Variants in NT5C3A observed in about 807,000 individuals in gnomAD.
NT5C3A encodes 5'-nucleotidase, cytosolic IIIA.
A neutral mutation model predicts 40.0 loss-of-function variants in NT5C3A; 23 were observed. The observed-to-expected ratio is 0.58, with a 90% confidence interval of 0.41 to 0.81. NT5C3A has a LOEUF of 0.81. Ranked by LOEUF, NT5C3A falls within the 40% of genes least tolerant of loss-of-function variation. NT5C3A has a pLI of 0.00. For synonymous variants in NT5C3A, 130 were observed against 141.4 expected (o/e 0.92, Z 0.57); for missense variants, 328 against 403.0 (o/e 0.81, Z 1.59).
chr7:33,042,841 T>G (rs1394416843), intron 1 of NT5C3A, among the ~76,000 whole-genome samples: 1 of 152,210 alleles, frequency 6.6e-6, no homozygotes, highest in Non-Finnish European at 1.5e-5. Flanking sequence ...GTTTTATAAT[T>G]CTGGGAAACT....
intron 1 of NT5C3A, among the ~76,000 whole-genome samples, chr7:33,059,875 C>A (rs1393753456): frequency 6.6e-6 from 1 of 152,176 alleles, no homozygotes; most frequent in Non-Finnish European, 1.5e-5. Flanking sequence ...ATACTACCAA[C>A]CTCCTAAATT....
At chr7:33,016,267 G>A (rs1159862891) in intron 7 of NT5C3A, among the ~76,000 whole-genome samples, 6 of 151,774 alleles carry the variant, frequency 4.0e-5, no homozygotes, top group Admixed American at 6.6e-5. Flanking sequence ...CCAGATACTC[G>A]GGAGGCTGAG....
chr7:33,018,962 C>G (rs1332123441), intron 6 of NT5C3A, among the ~76,000 whole-genome samples: 1 of 152,012 alleles, frequency 6.6e-6, no homozygotes, highest in Non-Finnish European at 1.5e-5. Flanking sequence ...AAAAAGTAGG[C>G]TTATGTAAAT....
chr7:33,028,214 T>C (rs1786053604), intron 1 of NT5C3A, among the ~76,000 whole-genome samples: 2 of 152,270 alleles, frequency 1.3e-5, no homozygotes, highest in East Asian at 1.9e-4. Context: ...AAGCTGACGA[T>C]CACTGGAGCC....
At chr7:33,018,727 G>T (rs908670630) in intron 6 of NT5C3A, among the ~76,000 whole-genome samples, 141 of 152,072 alleles carry the variant, frequency 9.3e-4, no homozygotes, top group African/African-American at 3.3e-3. Context: ...GCGGGCGCCT[G>T]AAGTCCTGGC....
At chr7:33,032,842 C>T (rs1410531974) in intron 1 of NT5C3A, among the ~76,000 whole-genome samples, 2 of 152,200 alleles carry the variant, frequency 1.3e-5, no homozygotes, top group Non-Finnish European at 2.9e-5. Context: ...CAGACTTGAC[C>T]TCCTGGGCTC....
intron 3 of NT5C3A, chr7:33,023,727 A>C (rs1303182962): frequency 7.4e-6 from 2 of 271,094 alleles, no homozygotes; most frequent in Non-Finnish European, 1.4e-5. Context: ...TATTTGATAA[A>C]TGGTGTTTCT....
At position 33,024,216 on chromosome 7, in the gene NT5C3A, T is replaced by G. The variant is rs537142515; in HGVS notation, c.238-108A>C. 4.2e-6 allele frequency: 3 copies of G among 712,520 alleles called. No individual in the cohort carries two copies. The South Asian group carries it at 4.4e-5, about 11-fold the overall frequency. The allele number at this position is 712,520 out of a possible 1,614,324, so 44.1% of individuals were successfully genotyped here. ...ATGCTTTCCTAGATGCATAGGACTG[T>G]GCTCAAGTCTCTGGTCCACACTGTT... On this transcript the variant is annotated intron_variant, in intron 2 of 8. Transcript: ENST00000610140.
At chr7:33,053,929 G>A (rs1230367578) in intron 1 of NT5C3A, among the ~76,000 whole-genome samples, 2 of 152,006 alleles carry the variant, frequency 1.3e-5, no homozygotes, top group African/African-American at 4.8e-5. Flanking sequence ...GTTAACTTGT[G>A]GCATATGGAT....
At chr7:33,020,682 C>A (rs898521771) in intron 5 of NT5C3A, among the ~76,000 whole-genome samples, 5 of 152,110 alleles carry the variant, frequency 3.3e-5, no homozygotes, top group African/African-American at 1.2e-4. Context: ...AAAGCATTTT[C>A]TATTCCTTGA....
chr7:33,060,579 A>G (rs1787739291), intron 1 of NT5C3A, among the ~76,000 whole-genome samples: 1 of 152,092 alleles, frequency 6.6e-6, no homozygotes, highest in Non-Finnish European at 1.5e-5. Flanking sequence ...CTTGCAAGAC[A>G]ATGCATCATT....
At chr7:33,026,741 G>A in intron 2 of NT5C3A, 76 bp downstream of exon 2, 1 of 962,606 alleles carries the variant, frequency 1.0e-6, no homozygotes, top group Non-Finnish European at 1.7e-6. Flanking sequence ...TGATCCTCCT[G>A]CTTCAGTCTC....
At chr7:33,043,774 G>A (rs1787025827) in intron 1 of NT5C3A, among the ~76,000 whole-genome samples, 1 of 152,136 alleles carries the variant, frequency 6.6e-6, no homozygotes, top group Non-Finnish European at 1.5e-5. Context: ...TGTGGTAGGA[G>A]TGGGGTGGGA....
chr7:33,014,911 T>C (rs1785242456), intron 8 of NT5C3A, 80 bp from the exon 9 acceptor site: 3 of 1,183,628 alleles, frequency 2.5e-6, no homozygotes, highest in Non-Finnish European at 3.7e-6. Flanking sequence ...CGTTGTTAGA[T>C]CTCTTGGGCA....
chr7:33,062,764 G>T lies in NT5C3A; in HGVS notation c.-59C>A. On this transcript the variant is annotated 5_prime_UTR_variant, in exon 1 of 9. Transcript: ENST00000610140. ...AAAACAGGCAGCTCGCGTAGACTGC[G>T]AGTCTCGGAAGCGCGGGATCCCAGA... 6.5e-7 allele frequency: 1 copy of T among 1,548,082 alleles called. No individual in the cohort carries two copies. The highest frequency in any genetic ancestry group is 1.8e-4 in the Middle Eastern group (1 of 5,446).
intron 1 of NT5C3A, among the ~76,000 whole-genome samples, chr7:33,034,934 T>C (rs188095824): frequency 2.6e-5 from 4 of 152,342 alleles, no homozygotes; most frequent in African/African-American, 2.4e-5. Flanking sequence ...GTTTTTAAGA[T>C]TTTATCACTG....
At chr7:33,024,544 G>A (rs1224954245) in intron 2 of NT5C3A, among the ~76,000 whole-genome samples, 1 of 152,164 alleles carries the variant, frequency 6.6e-6, no homozygotes, top group Non-Finnish European at 1.5e-5. Context: ...GGTTACCAGA[G>A]GCTGGGAAGG....
intron 1 of NT5C3A, 126 bp downstream of exon 1, chr7:33,062,442 G>T: frequency 1.2e-6 from 1 of 857,596 alleles, no homozygotes; most frequent in Middle Eastern, 3.4e-4. Flanking sequence ...CGAGATCCCA[G>T]CCTGACAGGC....
chr7:33,034,717 G>T (rs972141332), intron 1 of NT5C3A, among the ~76,000 whole-genome samples: 2 of 152,152 alleles, frequency 1.3e-5, no homozygotes, highest in Admixed American at 1.3e-4. Context: ...ACTGGTTGGG[G>T]GAAAGATGAA....
Sources: gnomAD v4.1 joint callset for allele counts (sites outside exome capture counted in the v4.1 genomes callset) on GRCh38, gnomAD v4.1.1 for gene constraint, MANE v1.5 for transcripts, NCBI Gene and HGNC (gene_info 2026-07-23, HGNC 2026-07-21) for gene names.